Variants in DCLK3 observed in about 807,000 individuals in gnomAD.
DCLK3 encodes the protein doublecortin like kinase 3, also known as serine/threonine-protein kinase DCLK3.
Under a neutral mutation model 46.4 loss-of-function variants are expected in DCLK3, and 30 were observed. The ratio of observed to expected loss-of-function variants is 0.65; its 90% CI spans 0.48 to 0.88. The LOEUF is 0.88. Ranked by LOEUF, DCLK3 falls within the 40% of genes least tolerant of loss-of-function variation. The pLI, the probability that DCLK3 is intolerant of heterozygous loss-of-function variation, is 0.00. For synonymous variants in DCLK3, 401 were observed against 339.2 expected (o/e 1.18, Z -2.00); for missense variants, 846 against 907.1 (o/e 0.93, Z 0.87).
chr3:36,740,122 CTT>C (rs1179146362), intron 1 of DCLK3, among the ~76,000 whole-genome samples: 527 of 99,674 alleles, frequency 5.3e-3, no homozygotes, highest in Middle Eastern at 0.029. Context: ...ATTTGCATTT[CTT>C]TTTTTTTTTT....
At chr3:36,724,033 C>T (rs1330417527) in intron 2 of DCLK3, among the ~76,000 whole-genome samples, 1 of 152,228 alleles carries the variant, frequency 6.6e-6, no homozygotes, top group East Asian at 1.9e-4. Flanking sequence ...CCCTGCAAAA[C>T]CACAGGAGCG....
intron 1 of DCLK3, among the ~76,000 whole-genome samples, chr3:36,759,169 A>T (rs1039855705): frequency 6.6e-6 from 1 of 152,210 alleles, no homozygotes; most frequent in Non-Finnish European, 1.5e-5. Flanking sequence ...TATTACTCTT[A>T]TTTGAGAAAC....
chr3:36,737,496 G>A lies in DCLK3; in HGVS notation c.1671C>T (p.Asp557=), dbSNP rs753419825. 3 of 1,614,076 alleles carry A rather than the reference G, an allele frequency of 1.9e-6. No homozygotes were observed. The highest frequency in any genetic ancestry group is 2.5e-6 in the Non-Finnish European group (3 of 1,180,042). ...CCTCCTTGCCCTTGAGTCTGGACTT[G>A]TCAATGATCTTCATCGCATAGGCCT... ...TRQAYAMKII[D]KSRLKGKEDM... Residue 557 remains aspartate (D), a synonymous_variant, in exon 2 of 5, where the codon GAC becomes GAT. Transcript: ENST00000636136. The surrounding 1 kb of genome is among the most constrained non-coding windows in gnomAD (Gnocchi z 4.4).
At chr3:36,747,526 GT>G (rs1559393543) in intron 1 of DCLK3, among the ~76,000 whole-genome samples, 1 of 151,852 alleles carries the variant, frequency 6.6e-6, no homozygotes, top group Non-Finnish European at 1.5e-5. Flanking sequence ...TTTTAGTAAG[GT>G]TTGTTATGCA....
At chr3:36,727,573 T>A (rs1701140804) in intron 2 of DCLK3, among the ~76,000 whole-genome samples, 1 of 152,200 alleles carries the variant, frequency 6.6e-6, no homozygotes, top group African/African-American at 2.4e-5. Context: ...ATATTATGCC[T>A]CTTCTAGTTT....
rs1475142641 is a variant in DCLK3, at chr3:36,737,078, C to G, written c.1959+130G>C. On this transcript the variant is annotated intron_variant, in intron 2 of 4. Coordinates refer to ENST00000636136, the MANE Select transcript of DCLK3 (RefSeq NM_001394672.2). The surrounding 1 kb of genome is among the most constrained non-coding windows in gnomAD (Gnocchi z 4.4). The stretch of plus-strand genomic sequence containing the variant: ...ATAACCATAGTTTTAAATACTGGAA[C>G]AAGTATGTTATAATAACATAAAAGT... The G allele has an allele frequency of 3.1e-6, 4 of 1,292,292 alleles. No homozygotes were observed. The highest frequency in any genetic ancestry group is 1.5e-5 in the African/African-American group (1 of 66,446). The allele number at this position is 1,292,292 out of a possible 1,614,324, so 80.1% of individuals were successfully genotyped here. A position where few individuals can be genotyped will look rare whatever the true frequency, so the allele number is the denominator to read the frequency against.
Position 36,738,617 on chromosome 3 carries a change from C to G in DCLK3, c.550G>C (p.Val184Leu). ...PLTLKSIQVA[V>L]EELYPNKARA... ...GCTTTGTTGGGGTACAGTTCTTCTA[C>G]AGCCACCTGAATGCTCTTCAGTGTC... is the stretch of plus-strand genomic sequence containing the variant. The change falls in exon 2 of 5, where the codon GTA (valine) becomes CTA (leucine). Residue 184 changes from valine to leucine, a missense_variant. Physicochemically the swap from Val to Leu is conservative, Grantham distance 32. Around this residue, in one of 3 missense-constraint regions of DCLK3, gnomAD observed 553 missense variants for 543.0 expected, o/e 1.02. Coordinates refer to ENST00000636136, the MANE Select transcript of DCLK3 (RefSeq NM_001394672.2). 7.3e-7 allele frequency: 1 copy of G among 1,369,946 alleles called. No individual in the cohort carries two copies. Among genetic ancestry groups the G allele is most frequent in the Non-Finnish European group, 9.5e-7 (1 of 1,055,630 alleles). The allele number at this position is 1,369,946 out of a possible 1,614,324, so 84.9% of individuals were successfully genotyped here.
At position 36,738,818 on chromosome 3, in the gene DCLK3, G is replaced by T. The variant is rs1701307639; in HGVS notation, c.349C>A (p.Arg117=). 2 of 896,854 alleles carry T rather than the reference G, an allele frequency of 2.2e-6. No individual in the cohort carries two copies. Among genetic ancestry groups the T allele is most frequent in the Non-Finnish European group, 3.0e-6 (2 of 661,256 alleles). The allele number at this position is 896,854 out of a possible 1,614,324, so 55.6% of individuals were successfully genotyped here. A position where few individuals can be genotyped will look rare whatever the true frequency, so the allele number is the denominator to read the frequency against. Residue 117 remains arginine, a synonymous_variant, in exon 2 of 5, where the codon CGA becomes AGA. Coordinates refer to ENST00000636136, the MANE Select transcript of DCLK3 (RefSeq NM_001394672.2). ...AGCTGCTCGAACGTCTGCACTGATC[G>T]CCTGTTGAGGAGCAGAGTGATCTTT... ...PRKITLLLNR[R]SVQTFEQLLA... is the part of the protein sequence containing the mutation.
In DCLK3 at chr3:36,715,054, GC is replaced by G. The variant is rs544783490; in HGVS notation, c.*273del. On this transcript the variant is annotated 3_prime_UTR_variant, in exon 5 of 5. Transcript: ENST00000636136. ...GAATAAACTTGGTTACAAAGGGGAA[GC>G]AAAACACATCATTATTACCAAAATT... is the stretch of plus-strand genomic sequence containing the variant. 3.0e-3 allele frequency: 1,172 copies of G among 394,228 alleles called. 8 individuals carry two copies. Among genetic ancestry groups the G allele is most frequent in the Middle Eastern group, 0.012 (17 of 1,414 alleles). The allele number at this position is 394,228 out of a possible 1,614,324, so 24.4% of individuals were successfully genotyped here.
chr3:36,723,829 G>C (rs1490480696), intron 2 of DCLK3, among the ~76,000 whole-genome samples: 2 of 152,250 alleles, frequency 1.3e-5, no homozygotes, highest in East Asian at 3.9e-4. Context: ...TGCTAGGGCA[G>C]TGCAGAAGGG....
chr3:36,738,407 G>T lies in DCLK3; in HGVS notation c.760C>A (p.Leu254Ile), dbSNP rs774795775. The T allele has an allele frequency of 2.7e-6, 4 of 1,483,752 alleles. No homozygotes were observed. Among genetic ancestry groups the T allele is most frequent in the Non-Finnish European group, 3.6e-6 (4 of 1,119,310 alleles). The allele number at this position is 1,483,752 out of a possible 1,614,324, so 91.9% of individuals were successfully genotyped here. A position where few individuals can be genotyped will look rare whatever the true frequency, so the allele number is the denominator to read the frequency against. The change falls in exon 2 of 5, where the codon CTA becomes ATA. Residue 254 changes from leucine to isoleucine, a missense_variant. By Grantham distance (5) the Leu-to-Ile change is conservative. Around this residue, in one of 3 missense-constraint regions of DCLK3, gnomAD observed 553 missense variants for 543.0 expected, o/e 1.02. Transcript: ENST00000636136. ...TTCTGGGTCCTCGCTCTGTCATCTA[G>T]TGAAAGCTCCTCGGGGATCTTCCCC... Reference protein sequence around the residue: ...HQGKIPEELSLDDRARTQKKW... With the variant: ...HQGKIPEELSIDDRARTQKKW...
chr3:36,725,130 C>T (rs563185512), intron 2 of DCLK3, among the ~76,000 whole-genome samples: 16 of 151,892 alleles, frequency 1.1e-4, no homozygotes, highest in African/African-American at 3.6e-4. Context: ...CTGGCTAACA[C>T]GGTGAAACCC....
chr3:36,716,663 G>T (rs1010698018), intron 4 of DCLK3, among the ~76,000 whole-genome samples: 3 of 152,238 alleles, frequency 2.0e-5, no homozygotes, highest in Non-Finnish European at 4.4e-5. Context: ...CTGGAAAGAG[G>T]TCTCACAAAC....
chr3:36,727,404 A>G (rs552197077), intron 2 of DCLK3, among the ~76,000 whole-genome samples: 1 of 152,222 alleles, frequency 6.6e-6, no homozygotes, highest in Non-Finnish European at 1.5e-5. Flanking sequence ...GAAGCCCCCA[A>G]TTCCAAAACC....
chr3:36,722,031 C>T (rs908242533), intron 2 of DCLK3, among the ~76,000 whole-genome samples: 1 of 152,306 alleles, frequency 6.6e-6, no homozygotes, highest in Non-Finnish European at 1.5e-5. Flanking sequence ...GATAGACACA[C>T]TTCCATTGTT....
chr3:36,756,851 A>G (rs550433572), intron 1 of DCLK3, among the ~76,000 whole-genome samples: 1 of 151,872 alleles, frequency 6.6e-6, no homozygotes, highest in South Asian at 2.1e-4. Context: ...TCTGGGGGTG[A>G]CAGGTATGCC....
At chr3:36,743,102 C>T (rs1304748606) in intron 1 of DCLK3, among the ~76,000 whole-genome samples, 1 of 151,996 alleles carries the variant, frequency 6.6e-6, no homozygotes, top group Non-Finnish European at 1.5e-5. Context: ...ACCCTCATAC[C>T]GGTTGAGTAT....
chr3:36,728,046 C>A (rs780713763), intron 2 of DCLK3, among the ~76,000 whole-genome samples: 1 of 152,328 alleles, frequency 6.6e-6, no homozygotes, highest in Non-Finnish European at 1.5e-5. Flanking sequence ...ACCAGACTAT[C>A]GTTCATGTCT....
intron 3 of DCLK3, 72 bp from the exon 4 acceptor site, chr3:36,718,249 G>A: frequency 6.3e-7 from 1 of 1,596,028 alleles, no homozygotes; most frequent in Non-Finnish European, 8.6e-7. Flanking sequence ...AATAAATGAT[G>A]GAGTATTGTG....
Sources: gnomAD v4.1 joint callset for allele counts (sites outside exome capture counted in the v4.1 genomes callset) on GRCh38, gnomAD v4.1.1 for gene constraint, gnomAD v4.1.1 regional missense constraint, Gnocchi (gnomAD v3.1) non-coding constraint, MANE v1.5 for transcripts, NCBI Gene and HGNC (gene_info 2026-07-23, HGNC 2026-07-21) for gene names.